VPS13B: variants seen among roughly 807,000 people sequenced by gnomAD.
VPS13B encodes the protein vacuolar protein sorting 13 homolog B, also known as intermembrane lipid transfer protein VPS13B.
In VPS13B, 285 loss-of-function variants were observed where a neutral mutation model predicts 426.4. The observed-to-expected ratio is 0.67, with a 90% CI of 0.61 to 0.74. VPS13B has a LOEUF of 0.74. Among genes scored for constraint, VPS13B ranks in the 30% least tolerant of loss-of-function variants. The pLI is 0.00. For missense variants in VPS13B, 4,537 were observed against 4,782.6 expected (o/e 0.95, Z 1.51); for synonymous variants, 1,676 against 1,676.4 (o/e 1.00, Z 0.01).
chr8:99,132,922 C>T (rs934034758), intron 8 of VPS13B, among the ~76,000 whole-genome samples: 1 of 152,010 alleles, frequency 6.6e-6, no homozygotes, highest in Non-Finnish European at 1.5e-5. Context: ...AGAGCACAAG[C>T]AAAGTAGATT....
intron 21 of VPS13B, among the ~76,000 whole-genome samples, chr8:99,413,321 T>C (rs186004149): frequency 1.3e-5 from 2 of 152,326 alleles, no homozygotes; most frequent in East Asian, 3.9e-4. Context: ...GTCCATTTCT[T>C]CTAGATTTTC....
intron 36 of VPS13B, among the ~76,000 whole-genome samples, chr8:99,702,504 A>G (rs544050978): frequency 6.6e-6 from 1 of 152,288 alleles, no homozygotes; most frequent in African/African-American, 2.4e-5. Context: ...ATGTTATTGT[A>G]TAGAATGACT....
chr8:99,507,003 T>A (rs144369384), intron 27 of VPS13B, 134 bp from the exon 28 acceptor site: 2 of 877,592 alleles, frequency 2.3e-6, no homozygotes, highest in Non-Finnish European at 3.7e-6. Flanking sequence ...GTTCTATTGA[T>A]TGCATTGTCA....
Position 99,595,767 on chromosome 8 carries a change from G to A in VPS13B, c.5220+18134G>A, listed in dbSNP as rs144263538. ...TATTTGCTAATCATATATTTGATAA[G>A]GGACTTCTATCTAGACTGTAAAAAG... On this transcript the variant is annotated intron_variant, in intron 33 of 61. Transcript: ENST00000357162. Among the ~76,000 whole-genome samples, 620 of 151,978 alleles carry A rather than the reference G, an allele frequency of 4.1e-3. 7 individuals are homozygous for A. The highest frequency in any genetic ancestry group is 0.014 in the African/African-American group (577 of 41,494).
intron 19 of VPS13B, among the ~76,000 whole-genome samples, chr8:99,378,039 C>G (rs1813584885): frequency 6.6e-6 from 1 of 151,620 alleles, no homozygotes; most frequent in Admixed American, 6.6e-5. Flanking sequence ...TTTCCTAATC[C>G]TAGCAAGCCT....
At chr8:99,420,423 G>A (rs774201921) in intron 21 of VPS13B, among the ~76,000 whole-genome samples, 15 of 152,104 alleles carry the variant, frequency 9.9e-5, no homozygotes, top group Non-Finnish European at 1.8e-4. Context: ...GTTCCAGTTC[G>A]ACTTGAAGAA....
chr8:99,025,256 T>A (rs1842078266), intron 2 of VPS13B, among the ~76,000 whole-genome samples: 1 of 152,200 alleles, frequency 6.6e-6, no homozygotes, highest in Non-Finnish European at 1.5e-5. Context: ...TCTTTTCCAA[T>A]TTTGATCCCT....
chr8:99,837,018 A>G (rs1474928960), intron 54 of VPS13B, among the ~76,000 whole-genome samples: 3 of 152,216 alleles, frequency 2.0e-5, no homozygotes, highest in East Asian at 1.9e-4. Flanking sequence ...GTTTCCTTAC[A>G]TGAAACCCCT....
At chr8:99,590,891 C>G (rs564770613) in intron 33 of VPS13B, among the ~76,000 whole-genome samples, 12 of 151,860 alleles carry the variant, frequency 7.9e-5, no homozygotes, top group Admixed American at 4.6e-4. Flanking sequence ...TGGATATCCT[C>G]GTTAACCTTC....
intron 35 of VPS13B, among the ~76,000 whole-genome samples, chr8:99,669,246 T>C (rs1830607733): frequency 6.7e-6 from 1 of 149,720 alleles, no homozygotes; most frequent in South Asian, 2.1e-4. Context: ...AACCATAGGA[T>C]TCCTTAACTT....
At chr8:99,175,570 C>T (rs1314889308) in intron 16 of VPS13B, among the ~76,000 whole-genome samples, 1 of 151,974 alleles carries the variant, frequency 6.6e-6, no homozygotes, top group African/African-American at 2.4e-5. Context: ...TTCCTTGAGC[C>T]CAAGAGTTCC....
chr8:99,593,949 A>G (rs1264723849), intron 33 of VPS13B, among the ~76,000 whole-genome samples: 3 of 151,874 alleles, frequency 2.0e-5, no homozygotes, highest in African/African-American at 7.3e-5. Context: ...GAATATCAGG[A>G]AGAATAGCTA....
chr8:99,512,830 A>G (rs781635953), intron 29 of VPS13B, among the ~76,000 whole-genome samples: 12 of 152,130 alleles, frequency 7.9e-5, no homozygotes, highest in Non-Finnish European at 1.5e-4. Context: ...CAACATGGTG[A>G]AACCCCAGCT....
At chr8:99,587,293 G>C (rs1826354889) in intron 33 of VPS13B, among the ~76,000 whole-genome samples, 1 of 152,164 alleles carries the variant, frequency 6.6e-6, no homozygotes, top group South Asian at 2.1e-4. Flanking sequence ...ATGTGTGCAT[G>C]TGTCTTTATA....
intron 2 of VPS13B, among the ~76,000 whole-genome samples, chr8:99,018,682 T>C (rs1462885018): frequency 6.6e-6 from 1 of 152,212 alleles, no homozygotes; most frequent in Non-Finnish European, 1.5e-5. Context: ...TGTTTCTAAT[T>C]TCAGTGGGAA....
intron 33 of VPS13B, among the ~76,000 whole-genome samples, chr8:99,630,931 A>G (rs1828819005): frequency 6.6e-6 from 1 of 152,100 alleles, no homozygotes; most frequent in African/African-American, 2.4e-5. Flanking sequence ...GGAATGACCA[A>G]TAGTATTTGA....
intron 17 of VPS13B, among the ~76,000 whole-genome samples, chr8:99,227,826 C>G (rs1816094878): frequency 6.6e-6 from 1 of 152,150 alleles, no homozygotes; most frequent in African/African-American, 2.4e-5. Context: ...CAGTTCCACA[C>G]TATAGTAAGT....
At chr8:99,870,004 C>T (rs973012391) in intron 59 of VPS13B, among the ~76,000 whole-genome samples, 3 of 152,198 alleles carry the variant, frequency 2.0e-5, no homozygotes, top group South Asian at 2.1e-4. Flanking sequence ...GGGCCCCAAG[C>T]GTGCTCATAA....
chr8:99,221,285 C>A (rs1049042215), intron 17 of VPS13B, among the ~76,000 whole-genome samples: 27 of 150,700 alleles, frequency 1.8e-4, no homozygotes, highest in South Asian at 1.5e-3. Flanking sequence ...ATGATTTATA[C>A]TCATTTGGGT....
Sources: allele counts gnomAD v4.1 joint callset (sites outside exome capture counted in the v4.1 genomes callset), GRCh38; gene constraint gnomAD v4.1.1; transcripts MANE v1.5; gene names NCBI Gene and HGNC (gene_info 2026-07-23, HGNC 2026-07-21).